BAIAP2L1: variants seen among roughly 807,000 people sequenced by gnomAD.
BAIAP2L1 encodes BAR/IMD domain containing adaptor protein 2 like 1, also known as BAR/IMD domain-containing adapter protein 2-like 1.
A neutral mutation model predicts 66.3 loss-of-function variants in BAIAP2L1; 35 were observed. The ratio of observed to expected loss-of-function variants is 0.53; its 90% CI spans 0.40 to 0.70. The LOEUF (loss-of-function observed/expected upper bound fraction) is 0.70, where lower values mean the gene tolerates loss of function less well. Among genes scored for constraint, BAIAP2L1 ranks in the 30% least tolerant of loss-of-function variants. BAIAP2L1 has a pLI of 0.00. For synonymous variants in BAIAP2L1, 269 were observed against 248.7 expected, an observed-to-expected ratio of 1.08 and a Z score of -0.77; for missense variants, 622 against 656.9, an observed-to-expected ratio of 0.95 and a Z score of 0.58.
chr7:98,353,821 G>C (rs950360999), intron 3 of BAIAP2L1, among the ~76,000 whole-genome samples: 34 of 150,020 alleles, frequency 2.3e-4, no homozygotes, highest in African/African-American at 8.1e-4. Context: ...AATTAGCCAG[G>C]CGTGGTGGCG....
At chr7:98,320,438 C>A in intron 3 of BAIAP2L1, 140 bp from the exon 4 acceptor site, 1 of 639,318 alleles carries the variant, frequency 1.6e-6, no homozygotes. Context: ...CGGGTTCAAA[C>A]TATTCTCCTG....
chr7:98,375,742 C>CAAAAA (rs372282399), intron 1 of BAIAP2L1, among the ~76,000 whole-genome samples: 335 of 56,348 alleles, frequency 5.9e-3, no homozygotes, highest in African/African-American at 6.4e-3. Flanking sequence ...AAGTCCATCT[C>CAAAAA]AAAAAAAAAA....
intron 5 of BAIAP2L1, among the ~76,000 whole-genome samples, chr7:98,319,676 A>G (rs1210848113): frequency 2.0e-5 from 3 of 151,406 alleles, no homozygotes; most frequent in Non-Finnish European, 4.4e-5. Flanking sequence ...CCTCCCGAGT[A>G]GCTGGGATGA....
chr7:98,394,050 T>G (rs1300723785), intron 1 of BAIAP2L1, among the ~76,000 whole-genome samples: 1 of 152,064 alleles, frequency 6.6e-6, no homozygotes, highest in East Asian at 2.0e-4. Flanking sequence ...GAGACCATCC[T>G]GGCTAACACG....
chr7:98,338,004 G>C (rs1265382462), intron 3 of BAIAP2L1, among the ~76,000 whole-genome samples: 1 of 152,126 alleles, frequency 6.6e-6, no homozygotes, highest in East Asian at 1.9e-4. Flanking sequence ...AATTCATTAG[G>C]ATACCCCATA....
chr7:98,293,556 C>A lies in BAIAP2L1; in HGVS notation c.1501G>T (p.Val501Leu). 2 of 1,613,942 alleles carry A rather than the reference C, an allele frequency of 1.2e-6. No homozygotes were observed. Among genetic ancestry groups the A allele is most frequent in the Non-Finnish European group, 8.5e-7 (1 of 1,179,970 alleles). The change falls in exon 14 of 14, where the codon GTG (valine) becomes TTG (leucine). Residue 501 changes from valine (V) to leucine (L), a missense_variant. Physicochemically the swap from Val to Leu is conservative, Grantham distance 32. Coordinates refer to ENST00000005260, the MANE Select transcript of BAIAP2L1 (RefSeq NM_018842.5). ...ATGGGTGCCGAGCGATCATTCGTCA[C>A]AGTCGGGCGGAGTTTCACAGTGGCA... ...PFATVKLRPT[V>L]TNDRSAPIIR
chr7:98,360,430 T>C (rs1802243576), intron 2 of BAIAP2L1, among the ~76,000 whole-genome samples: 2 of 152,134 alleles, frequency 1.3e-5, no homozygotes, highest in South Asian at 2.1e-4. Context: ...CACATTTACC[T>C]ACATTTCTCA....
rs1337151424 is a variant in BAIAP2L1, at chr7:98,379,791, G to C, written c.52-17359C>G. 2.6e-5 allele frequency among the ~76,000 whole-genome samples: 4 copies of C among 152,102 alleles called. No individual in the cohort carries two copies. In the East Asian group the frequency reaches 7.7e-4, roughly 29 times the overall value. ...CTACAACATAGATAAAACCCATTAC[G>C]CTAAGAAGCCAGTCACAAAAGACCA... On this transcript the variant is annotated intron_variant, in intron 1 of 13. Coordinates refer to ENST00000005260, the MANE Select transcript of BAIAP2L1 (RefSeq NM_018842.5).
intron 3 of BAIAP2L1, among the ~76,000 whole-genome samples, chr7:98,327,048 G>C (rs1023300988): frequency 3.9e-5 from 6 of 152,124 alleles, no homozygotes; most frequent in African/African-American, 1.4e-4. Context: ...AATCTAATCA[G>C]GGAGATCTGG....
intron 12 of BAIAP2L1, 79 bp downstream of exon 12, chr7:98,304,117 C>T (rs1011138130): frequency 2.3e-5 from 32 of 1,407,330 alleles, no homozygotes; most frequent in East Asian, 1.3e-4. Flanking sequence ...CAGAGCAAGG[C>T]GGTCACCACA....
intron 5 of BAIAP2L1, among the ~76,000 whole-genome samples, chr7:98,319,827 AGGCATGAGCCACCG>A (rs1330283343): frequency 2.0e-5 from 3 of 152,176 alleles, no homozygotes; most frequent in Non-Finnish European, 2.9e-5. Flanking sequence ...CTGGGATTAC[AGGCATGAGCCACCG>A]CACCTGGCCC....
At chr7:98,312,898 G>C (rs1049616420) in intron 7 of BAIAP2L1, among the ~76,000 whole-genome samples, 3 of 152,164 alleles carry the variant, frequency 2.0e-5, no homozygotes, top group Non-Finnish European at 4.4e-5. Context: ...GCCTGGCTCT[G>C]CTCCTGACAA....
At chr7:98,294,242 C>A in intron 12 of BAIAP2L1, 131 bp from the exon 13 acceptor site, 1 of 888,676 alleles carries the variant, frequency 1.1e-6, no homozygotes, top group Non-Finnish European at 1.7e-6. Flanking sequence ...ATCCTTCCAC[C>A]TTGGCCTCCT....
intron 1 of BAIAP2L1, among the ~76,000 whole-genome samples, chr7:98,365,285 T>G (rs1164412079): frequency 1.3e-5 from 2 of 152,338 alleles, no homozygotes; most frequent in East Asian, 3.9e-4. Flanking sequence ...CTTCATTCTT[T>G]CTGGAACTCT....
intron 3 of BAIAP2L1, among the ~76,000 whole-genome samples, chr7:98,320,806 T>C (rs1801220712): frequency 6.6e-6 from 1 of 152,134 alleles, no homozygotes; most frequent in African/African-American, 2.4e-5. Flanking sequence ...TTCTACAACA[T>C]AATTAATCAG....
In BAIAP2L1 at chr7:98,293,455, A is replaced by T. The variant is rs906479734; in HGVS notation, c.*66T>A. On this transcript the variant is annotated 3_prime_UTR_variant, in exon 14 of 14. Coordinates refer to ENST00000005260, the MANE Select transcript of BAIAP2L1 (RefSeq NM_018842.5). ...CTTCCCGACCGTCAGCACGTGGCAG[A>T]CAGGATGCGCCCATCATTCCGCAAG... 2.7e-6 allele frequency: 4 copies of T among 1,456,522 alleles called. No homozygotes were observed. The highest frequency in any genetic ancestry group is 2.9e-6 in the Non-Finnish European group (3 of 1,040,678). The allele number at this position is 1,456,522 out of a possible 1,614,324, so 90.2% of individuals were successfully genotyped here.
intron 3 of BAIAP2L1, among the ~76,000 whole-genome samples, chr7:98,340,613 T>C (rs1346862361): frequency 6.6e-6 from 1 of 152,146 alleles, no homozygotes; most frequent in Non-Finnish European, 1.5e-5. Flanking sequence ...CTAATTATAG[T>C]ACATTGAGTA....
At chr7:98,309,845 T>A (rs1478513182) in intron 9 of BAIAP2L1, 1 of 154,014 alleles carries the variant, frequency 6.5e-6, no homozygotes, top group Non-Finnish European at 1.4e-5. Context: ...CGGCAACATC[T>A]GCAGACAGTC....
At chr7:98,296,360 T>C (rs1326448227) in intron 12 of BAIAP2L1, among the ~76,000 whole-genome samples, 2 of 152,230 alleles carry the variant, frequency 1.3e-5, no homozygotes, top group Non-Finnish European at 2.9e-5. Flanking sequence ...GGACAGTGGC[T>C]CATGCCTGTA....
Sources: gnomAD v4.1 joint callset for allele counts (sites outside exome capture counted in the v4.1 genomes callset) on GRCh38, gnomAD v4.1.1 for gene constraint, MANE v1.5 for transcripts, NCBI Gene and HGNC (gene_info 2026-07-23, HGNC 2026-07-21) for gene names.